PDE4B: variants seen among roughly 807,000 people sequenced by gnomAD.
PDE4B encodes phosphodiesterase 4B, also known as 3',5'-cyclic-AMP phosphodiesterase 4B.
A neutral mutation model predicts 82.2 loss-of-function variants in PDE4B; 20 were observed. That is an observed-to-expected ratio of 0.24 (90% CI 0.17 to 0.35). The LOEUF is 0.35. Among genes scored for constraint, PDE4B ranks in the 10% least tolerant of loss-of-function variants. The pLI is 1.00. For missense variants in PDE4B, 655 were observed against 907.2 expected (o/e 0.72, Z 3.57); for synonymous variants, 320 against 318.9 (o/e 1.00, Z -0.04).
intron 6 of PDE4B, among the ~76,000 whole-genome samples, chr1:66,262,529 C>T (rs895375820): frequency 2.2e-4 from 33 of 152,188 alleles, no homozygotes; most frequent in African/African-American, 8.0e-4. Context: ...ATTTATATCA[C>T]CATCTTCAGC....
intron 3 of PDE4B, among the ~76,000 whole-genome samples, chr1:66,120,273 C>T (rs977295692): frequency 6.6e-6 from 1 of 152,134 alleles, no homozygotes; most frequent in Non-Finnish European, 1.5e-5. Context: ...GCCTCTCTTC[C>T]CACTTCGTCT....
intron 4 of PDE4B, among the ~76,000 whole-genome samples, chr1:66,249,641 T>G (rs1653598306): frequency 6.6e-6 from 1 of 152,106 alleles, no homozygotes; most frequent in Non-Finnish European, 1.5e-5. Flanking sequence ...TCCTTTCAAT[T>G]TTACTGGCCA....
intron 3 of PDE4B, among the ~76,000 whole-genome samples, chr1:66,206,992 C>G (rs1649605378): frequency 6.6e-6 from 1 of 152,156 alleles, no homozygotes; most frequent in Non-Finnish European, 1.5e-5. Context: ...GGCAAAACAT[C>G]CAAGGCTGAG....
intron 3 of PDE4B, among the ~76,000 whole-genome samples, chr1:65,969,077 A>G (rs180727636): frequency 2.6e-5 from 4 of 152,182 alleles, no homozygotes; most frequent in African/African-American, 9.6e-5. Flanking sequence ...TTCAGGGTGT[A>G]TAAGTCAGGA....
chr1:65,836,604 A>G (rs930542400), intron 1 of PDE4B, among the ~76,000 whole-genome samples: 1 of 152,030 alleles, frequency 6.6e-6, no homozygotes, highest in African/African-American at 2.4e-5. Context: ...CACTTGTACT[A>G]TTCTCTGACA....
At chr1:66,191,261 A>G (rs1242817826) in intron 3 of PDE4B, among the ~76,000 whole-genome samples, 1 of 152,166 alleles carries the variant, frequency 6.6e-6, no homozygotes, top group African/African-American at 2.4e-5. Flanking sequence ...TTCAGCAAAG[A>G]ATGTGTTTTA....
chr1:66,160,937 G>A (rs573696067), intron 3 of PDE4B, among the ~76,000 whole-genome samples: 20 of 152,302 alleles, frequency 1.3e-4, no homozygotes, highest in African/African-American at 4.8e-4. Context: ...GGCACTCTCA[G>A]AACATCAGTA....
intron 1 of PDE4B, among the ~76,000 whole-genome samples, chr1:65,907,738 C>G (rs1444870317): frequency 6.6e-6 from 1 of 152,080 alleles, no homozygotes; most frequent in Non-Finnish European, 1.5e-5. Flanking sequence ...TTTTAGTTTT[C>G]TCAGTTCAGA....
rs571531559 is a variant in PDE4B at position 66,125,164 on chromosome 1, C to T, written c.282-122296C>T. On this transcript the variant is annotated intron_variant, in intron 3 of 16. Transcript: ENST00000341517. ...GCAATTCATGATGGCCCATACTATT[C>T]CTTTTTTTTTTTTTTTTGAGATGGA... Among the ~76,000 whole-genome samples, 589 of 89,256 alleles carry T rather than the reference C, an allele frequency of 6.6e-3. 3 individuals are homozygous for T. The highest frequency in any genetic ancestry group is 0.016 in the Admixed American group (85 of 5,226). The allele number at this position is 89,256 out of a possible 152,430, so 58.6% of individuals were successfully genotyped here.
intron 7 of PDE4B, among the ~76,000 whole-genome samples, chr1:66,325,281 G>A (rs1659666337): frequency 6.6e-6 from 1 of 152,172 alleles, no homozygotes; most frequent in East Asian, 1.9e-4. Context: ...CATTTACAAA[G>A]ATCAGAAGAT....
chr1:66,121,213 G>A (rs2101078909), intron 3 of PDE4B, among the ~76,000 whole-genome samples: 1 of 150,642 alleles, frequency 6.6e-6, no homozygotes, highest in South Asian at 2.2e-4. Context: ...GGCATAGCAT[G>A]AGGATAATTC....
At chr1:66,207,189 A>G (rs1649622551) in intron 3 of PDE4B, among the ~76,000 whole-genome samples, 1 of 152,224 alleles carries the variant, frequency 6.6e-6, no homozygotes, top group Non-Finnish European at 1.5e-5. Context: ...TAACTTGTTT[A>G]TACTCATGCT....
At chr1:66,084,613 G>A (rs567642949) in intron 3 of PDE4B, among the ~76,000 whole-genome samples, 3 of 152,194 alleles carry the variant, frequency 2.0e-5, no homozygotes, top group African/African-American at 7.2e-5. Context: ...AAGGGCTGAG[G>A]GATCAACCCT....
At chr1:65,979,282 G>T (rs188074690) in intron 3 of PDE4B, among the ~76,000 whole-genome samples, 1 of 152,296 alleles carries the variant, frequency 6.6e-6, no homozygotes, top group African/African-American at 2.4e-5. Context: ...ATTCTGTACA[G>T]ATTGCCTTCC....
intron 3 of PDE4B, among the ~76,000 whole-genome samples, chr1:65,953,381 A>C (rs1649098762): frequency 1.3e-5 from 2 of 152,108 alleles, no homozygotes. Context: ...GATGTGATTA[A>C]GTTCAGGGCT....
At chr1:66,203,368 G>A (rs1269125417) in intron 3 of PDE4B, among the ~76,000 whole-genome samples, 2 of 152,068 alleles carry the variant, frequency 1.3e-5, no homozygotes, top group African/African-American at 4.8e-5. Context: ...GGCATTCTCT[G>A]TATTTCCTGA....
intron 3 of PDE4B, among the ~76,000 whole-genome samples, chr1:66,154,106 C>T (rs1191035044): frequency 6.6e-6 from 1 of 152,168 alleles, no homozygotes; most frequent in African/African-American, 2.4e-5. Context: ...CCCTGAAAGA[C>T]TCCCACCACA....
intron 10 of PDE4B, 149 bp downstream of exon 10, chr1:66,361,942 G>A: frequency 3.6e-6 from 2 of 562,026 alleles, no homozygotes; most frequent in Non-Finnish European, 6.0e-6. Context: ...TTTACTGTGA[G>A]CAGTAAGGCC....
intron 3 of PDE4B, among the ~76,000 whole-genome samples, chr1:66,148,463 T>G (rs933919536): frequency 2.6e-5 from 4 of 152,174 alleles, no homozygotes; most frequent in Admixed American, 6.5e-5. Context: ...TTACTTTCTA[T>G]AGTTTGTTGT....
Sources: allele counts gnomAD v4.1 joint callset (sites outside exome capture counted in the v4.1 genomes callset), GRCh38; gene constraint gnomAD v4.1.1; transcripts MANE v1.5; gene names NCBI Gene and HGNC (gene_info 2026-07-23, HGNC 2026-07-21).